Variants in TBC1D12 observed in about 807,000 individuals in gnomAD.
The protein encoded by TBC1D12 is TBC1 domain family member 12, also known as TBC1 domain family, member 12.
In TBC1D12, 56 loss-of-function variants were observed where a neutral mutation model predicts 86.7. The ratio of observed to expected loss-of-function variants is 0.65; its 90% CI spans 0.52 to 0.81. The LOEUF (loss-of-function observed/expected upper bound fraction) is 0.81. Ranked by LOEUF, TBC1D12 falls within the 30% of genes least tolerant of loss-of-function variation. The probability of loss-of-function intolerance (pLI) is 0.00; values close to 1 mark genes in which losing one functional copy is unlikely to be tolerated. For synonymous variants in TBC1D12, 421 were observed against 411.7 expected (o/e 1.02, Z -0.27); for missense variants, 1,023 against 1,038.8 (o/e 0.98, Z 0.21).
intron 12 of TBC1D12, among the ~76,000 whole-genome samples, chr10:94,532,332 C>T (rs1006304325): frequency 6.6e-6 from 1 of 151,650 alleles, no homozygotes; most frequent in African/African-American, 2.4e-5. Context: ...CACATGCCAC[C>T]ACGCCCAGCT....
Position 94,474,714 on chromosome 10 carries a change from C to CAAAA in TBC1D12, c.1142_1143insAAAA (p.Ser382LysfsTer8). On this transcript the variant is annotated frameshift_variant, in exon 3 of 13. Coordinates refer to ENST00000225235, the MANE Select transcript of TBC1D12 (RefSeq NM_015188.2). LOFTEE classifies it high-confidence loss of function. ...AGGACCTGTAAACCACCACCTCAGT[C>CAAAA]TTCAAGACGCAAGAATTTTGAATTT... 1 of 1,614,102 alleles carries CAAAA rather than the reference C, an allele frequency of 6.2e-7. No homozygotes were observed. Among genetic ancestry groups the CAAAA allele is most frequent in the Non-Finnish European group, 8.5e-7 (1 of 1,180,016 alleles).
intron 2 of TBC1D12, among the ~76,000 whole-genome samples, chr10:94,459,017 C>T (rs1049679557): frequency 6.6e-6 from 1 of 152,126 alleles, no homozygotes; most frequent in African/African-American, 2.4e-5. Context: ...AGGTGGCCTG[C>T]TTTTATTTCT....
intron 1 of TBC1D12, among the ~76,000 whole-genome samples, chr10:94,408,492 T>C (rs2054886282): frequency 6.6e-6 from 1 of 152,174 alleles, no homozygotes; most frequent in African/African-American, 2.4e-5. Flanking sequence ...TGAAAACCAA[T>C]GAAGTTTTTT....
At position 94,496,770 on chromosome 10, in the gene TBC1D12, T is replaced by C. The variant is rs909387067; in HGVS notation, c.1295-285T>C. On this transcript the variant is annotated intron_variant, in intron 4 of 12. Transcript: ENST00000225235. The stretch of plus-strand genomic sequence containing the variant: ...CCAAGCTGTTCAGGAAGTTGAGATA[T>C]GAGGATTTATTTAAGTCCAGGAGTT... Among the ~76,000 whole-genome samples the C allele has an allele frequency of 5.3e-5, 8 of 152,282 alleles. 1 individual carries two copies. The South Asian group carries it at 1.7e-3, about 32-fold the overall frequency.
intron 2 of TBC1D12, among the ~76,000 whole-genome samples, chr10:94,471,958 A>G (rs1330065745): frequency 6.6e-6 from 1 of 152,210 alleles, no homozygotes; most frequent in Non-Finnish European, 1.5e-5. Flanking sequence ...TATTTCAAGA[A>G]TGGTAGTGTA....
chr10:94,463,417 T>C (rs1027551274), intron 2 of TBC1D12, among the ~76,000 whole-genome samples: 62 of 152,308 alleles, frequency 4.1e-4, no homozygotes, highest in African/African-American at 1.4e-3. Flanking sequence ...GCAAGGGAGC[T>C]GAACATATGA....
intron 2 of TBC1D12, among the ~76,000 whole-genome samples, chr10:94,458,553 C>T (rs560553742): frequency 2.6e-5 from 4 of 152,232 alleles, no homozygotes; most frequent in Admixed American, 6.5e-5. Flanking sequence ...TTGGTGGGTT[C>T]TTGGTCTCGC....
chr10:94,510,588 C>A (rs1322448222), intron 8 of TBC1D12, among the ~76,000 whole-genome samples: 2 of 152,092 alleles, frequency 1.3e-5, no homozygotes, highest in Non-Finnish European at 2.9e-5. Flanking sequence ...TGTACATAGG[C>A]TATTATGAAG....
At position 94,402,751 on chromosome 10, in the gene TBC1D12, G is replaced by A. The variant is rs1343400363; in HGVS notation, c.138G>A (p.Val46=). The A allele has an allele frequency of 1.9e-6, 3 of 1,549,882 alleles. No homozygotes were observed. The highest frequency in any genetic ancestry group is 8.7e-7 in the Non-Finnish European group (1 of 1,146,674). The change falls in exon 1 of 13, where the codon GTG becomes GTA. Residue 46 remains valine, a synonymous_variant. Coordinates refer to ENST00000225235, the MANE Select transcript of TBC1D12 (RefSeq NM_015188.2). Reference sequence around the variant, plus strand: ...GCTTTGGCGGAGGCGTCGGCGCTGTGGAGCCGCCGGAGGAGGCTGACGAGG... The same window carrying A: ...GCTTTGGCGGAGGCGTCGGCGCTGTAGAGCCGCCGGAGGAGGCTGACGAGG... ...TGGFGGGVGA[V]EPPEEADEEE...
Position 94,522,037 on chromosome 10 carries a change from T to C in TBC1D12, c.1844T>C (p.Leu615Pro), listed in dbSNP as rs749180292. The C allele has an allele frequency of 6.2e-7, 1 of 1,613,112 alleles. No individual in the cohort carries two copies. The highest frequency in any genetic ancestry group is 8.5e-7 in the Non-Finnish European group (1 of 1,179,326). ...GCCTTTATCGCATTTGCCAATCTCC[T>C]GAATAAGCCATGCCAGTTGGCCTTT... ...ADAFIAFANLLNKPCQLAFFR... is the reference protein window; with the variant it reads ...ADAFIAFANLPNKPCQLAFFR... Residue 615 changes from leucine (L) to proline (P), a missense_variant, in exon 10 of 13, where the codon CTG becomes CCG. By Grantham distance (98) the Leu-to-Pro change is moderately conservative. Around this residue, in one of 2 missense-constraint regions of TBC1D12, gnomAD observed 395 missense variants for 507.7 expected, o/e 0.78. Transcript: ENST00000225235.
intron 2 of TBC1D12, among the ~76,000 whole-genome samples, chr10:94,464,375 A>G (rs1046053199): frequency 6.6e-6 from 1 of 151,898 alleles, no homozygotes; most frequent in African/African-American, 2.4e-5. Context: ...TATCACCACT[A>G]TTAGCTTATT....
rs747820499 is a variant in TBC1D12, at chr10:94,531,340, G to A, written c.2139G>A (p.Gln713=). 7 of 1,614,146 alleles carry A rather than the reference G, an allele frequency of 4.3e-6. No individual in the cohort carries two copies. Among genetic ancestry groups the A allele is most frequent in the Non-Finnish European group, 5.1e-6 (6 of 1,180,022 alleles). ...ILRLYEDILL[Q]MDFIHIAQFL... is the part of the protein sequence containing the mutation. ...GATTATATGAAGATATTCTCCTGCAGATGGACTTTATTCATATAGCACAGT... is the reference window on the plus strand; with the variant it reads ...GATTATATGAAGATATTCTCCTGCAAATGGACTTTATTCATATAGCACAGT... Residue 713 remains glutamine, a synonymous_variant, in exon 12 of 13, where the codon CAG becomes CAA. Transcript: ENST00000225235.
At chr10:94,434,570 G>A (rs893774648) in intron 1 of TBC1D12, among the ~76,000 whole-genome samples, 1 of 151,864 alleles carries the variant, frequency 6.6e-6, no homozygotes, top group Admixed American at 6.6e-5. Context: ...CAGTTACTAG[G>A]GAGTCCTGAC....
At chr10:94,517,801 A>T (rs1252406293) in intron 9 of TBC1D12, among the ~76,000 whole-genome samples, 1 of 152,228 alleles carries the variant, frequency 6.6e-6, no homozygotes, top group African/African-American at 2.4e-5. Context: ...TTTTATCTGT[A>T]GATTTTATTC....
intron 6 of TBC1D12, among the ~76,000 whole-genome samples, chr10:94,502,019 ACTCTGT>A (rs1366636118): frequency 6.6e-6 from 1 of 151,476 alleles, no homozygotes; most frequent in African/African-American, 2.4e-5. Flanking sequence ...ACAGAGCACG[ACTCTGT>A]CTCTAAATTA....
intron 2 of TBC1D12, among the ~76,000 whole-genome samples, chr10:94,462,414 A>G (rs940710441): frequency 6.6e-6 from 1 of 152,196 alleles, no homozygotes; most frequent in African/African-American, 2.4e-5. Flanking sequence ...GAATTCCAGT[A>G]GTAATCCCCT....
chr10:94,403,118 T>C lies in TBC1D12; in HGVS notation c.505T>C (p.Tyr169His). ...GGRESRRRRPYGRLRLEGPGD... is the reference protein window; with the variant it reads ...GGRESRRRRPHGRLRLEGPGD... ...CCGGGAGTCGCGCCGCCGCCGCCCCTACGGCCGCCTTCGCCTGGAGGGGCC... is the reference window on the plus strand; with the variant it reads ...CCGGGAGTCGCGCCGCCGCCGCCCCCACGGCCGCCTTCGCCTGGAGGGGCC... The change falls in exon 1 of 13, where the codon TAC (tyrosine) becomes CAC (histidine). Residue 169 changes from tyrosine (Y) to histidine (H), a missense_variant. This residue lies in a region of TBC1D12 where 628 missense variants were observed against 531.1 expected (regional missense o/e 1.18). Coordinates refer to ENST00000225235, the MANE Select transcript of TBC1D12 (RefSeq NM_015188.2). The C allele has an allele frequency of 1.4e-6, 2 of 1,390,084 alleles. No individual in the cohort carries two copies. The highest frequency in any genetic ancestry group is 1.9e-6 in the Non-Finnish European group (2 of 1,078,044). The allele number at this position is 1,390,084 out of a possible 1,614,324, so 86.1% of individuals were successfully genotyped here. A position where few individuals can be genotyped will look rare whatever the true frequency, so the allele number is the denominator to read the frequency against.
intron 9 of TBC1D12, among the ~76,000 whole-genome samples, chr10:94,517,850 T>C (rs1338701321): frequency 6.6e-6 from 1 of 152,196 alleles, no homozygotes; most frequent in African/African-American, 2.4e-5. Flanking sequence ...ATTTCAGTTA[T>C]ACTTATTTAA....
chr10:94,403,380 C>T lies in TBC1D12; in HGVS notation c.767C>T (p.Thr256Ile), dbSNP rs766887992. ...CCCCCTGCCACCTCGGCCGAGAGGA[C>T]TAATGGGGGTGCGGAGCCGCGCCTG... ...GAPPATSAERTNGGAEPRLGF... is the reference protein window; with the variant it reads ...GAPPATSAERINGGAEPRLGF... The change falls in exon 1 of 13, where the codon ACT (threonine) becomes ATT (isoleucine). Residue 256 changes from threonine (T) to isoleucine (I), a missense_variant. Coordinates refer to ENST00000225235, the MANE Select transcript of TBC1D12 (RefSeq NM_015188.2). 6.5e-7 allele frequency: 1 copy of T among 1,542,144 alleles called. No individual in the cohort carries two copies. Among genetic ancestry groups the T allele is most frequent in the South Asian group, 1.2e-5 (1 of 83,226 alleles).
Sources: allele counts gnomAD v4.1 joint callset (sites outside exome capture counted in the v4.1 genomes callset), GRCh38; gene constraint gnomAD v4.1.1; regional missense constraint gnomAD v4.1.1; transcripts MANE v1.5; gene names NCBI Gene and HGNC (gene_info 2026-07-23, HGNC 2026-07-21).